The following RTN1 variants were observed in gnomAD, a reference collection of about 807,000 sequenced individuals.
The protein encoded by RTN1 is reticulon 1, also known as reticulon-1.
RTN1 carries 25 observed loss-of-function variants against 65.5 expected under a neutral mutation model. That is an observed-to-expected ratio of 0.38 (90% CI 0.28 to 0.53). The LOEUF (loss-of-function observed/expected upper bound fraction) is 0.53, where lower values mean the gene tolerates loss of function less well. Ranked by LOEUF, RTN1 falls within the 20% of genes least tolerant of loss-of-function variation. The pLI, the probability that RTN1 is intolerant of heterozygous loss-of-function variation, is 0.79. For synonymous variants in RTN1, 471 were observed against 447.6 expected (o/e 1.05, Z -0.66); for missense variants, 983 against 1,025.4 (o/e 0.96, Z 0.57).
chr14:59,731,333 G>T (rs1261851143), intron 2 of RTN1, among the ~76,000 whole-genome samples: 2 of 152,144 alleles, frequency 1.3e-5, no homozygotes, highest in Non-Finnish European at 1.5e-5. Context: ...TAGTAGTTAT[G>T]GGGAGTGGGG....
intron 1 of RTN1, among the ~76,000 whole-genome samples, chr14:59,833,544 AT>A (rs1432758117): frequency 6.6e-6 from 1 of 152,008 alleles, no homozygotes; most frequent in African/African-American, 2.4e-5. Flanking sequence ...TCCAACTTTT[AT>A]TTTATATTCA....
chr14:59,623,877 A>C (rs1162960936), intron 3 of RTN1, among the ~76,000 whole-genome samples: 1 of 152,118 alleles, frequency 6.6e-6, no homozygotes, highest in Non-Finnish European at 1.5e-5. Context: ...CCATTCAATA[A>C]AATATTATGT....
At chr14:59,704,349 T>C (rs1884243868) in intron 3 of RTN1, among the ~76,000 whole-genome samples, 1 of 152,178 alleles carries the variant, frequency 6.6e-6, no homozygotes, top group Admixed American at 6.5e-5. Context: ...AGAAATCCCA[T>C]TCAATATTGA....
At chr14:59,726,314 T>A (rs541125678) in intron 3 of RTN1, among the ~76,000 whole-genome samples, 27 of 152,312 alleles carry the variant, frequency 1.8e-4, no homozygotes, top group African/African-American at 6.3e-4. Flanking sequence ...AGTGAATGAA[T>A]CACCTTCAGT....
At chr14:59,730,825 G>A (rs1884881465) in intron 2 of RTN1, among the ~76,000 whole-genome samples, 1 of 152,132 alleles carries the variant, frequency 6.6e-6, no homozygotes, top group Admixed American at 6.5e-5. Context: ...ATACTAGGAT[G>A]GCTATAATCA....
rs1327577165 is a variant in RTN1, at chr14:59,870,217, G to A, written c.241+173C>T. 6.6e-6 allele frequency among the ~76,000 whole-genome samples: 1 copy of A among 152,204 alleles called. No individual in the cohort carries two copies. Among genetic ancestry groups the A allele is most frequent in the African/African-American group, 2.4e-5 (1 of 41,460 alleles). On this transcript the variant is annotated intron_variant, in intron 1 of 8. Coordinates refer to ENST00000267484, the MANE Select transcript of RTN1 (RefSeq NM_021136.3). This position sits in a 1 kb window ranked among gnomAD's most constrained non-coding sequence, Gnocchi z 5.1. ...CTGAGCCTTTGGGAAAAATAAAATT[G>A]TTGTTTTCTACCAGCCCGCGAATAT...
intron 3 of RTN1, among the ~76,000 whole-genome samples, chr14:59,672,629 T>C (rs1883531893): frequency 2.7e-5 from 3 of 112,216 alleles, no homozygotes; most frequent in South Asian, 6.1e-4. Flanking sequence ...ATATTTCTTT[T>C]TTTTTTTTTT....
At chr14:59,801,961 A>G (rs760429233) in intron 1 of RTN1, among the ~76,000 whole-genome samples, 3 of 152,154 alleles carry the variant, frequency 2.0e-5, no homozygotes, top group Non-Finnish European at 4.4e-5. Flanking sequence ...AGACATATTA[A>G]TATGTCTTTC....
chr14:59,751,317 A>G (rs1885518339), intron 1 of RTN1, among the ~76,000 whole-genome samples: 1 of 151,658 alleles, frequency 6.6e-6, no homozygotes, highest in Admixed American at 6.6e-5. Context: ...TAGAACACCA[A>G]ACAAAAAAAC....
intron 1 of RTN1, among the ~76,000 whole-genome samples, chr14:59,832,701 A>G (rs910068958): frequency 2.0e-5 from 3 of 152,178 alleles, no homozygotes; most frequent in African/African-American, 7.2e-5. Flanking sequence ...GGGGCAGGGG[A>G]TGCTTTTCCC....
intron 2 of RTN1, among the ~76,000 whole-genome samples, chr14:59,728,790 TATTC>T (rs1884836935): frequency 6.6e-6 from 1 of 152,236 alleles, no homozygotes; most frequent in African/African-American, 2.4e-5. Flanking sequence ...TCTTTATCCA[TATTC>T]ATTCATCTGT....
intron 1 of RTN1, among the ~76,000 whole-genome samples, chr14:59,787,467 C>T (rs763625250): frequency 6.6e-6 from 1 of 152,210 alleles, no homozygotes; most frequent in Non-Finnish European, 1.5e-5. Flanking sequence ...TTCTCTCCTC[C>T]CCCTTGGTCA....
At chr14:59,680,865 T>C (rs1419645765) in intron 3 of RTN1, among the ~76,000 whole-genome samples, 1 of 152,160 alleles carries the variant, frequency 6.6e-6, no homozygotes, top group Non-Finnish European at 1.5e-5. Flanking sequence ...TGAAAAACCA[T>C]ATTTATGAAG....
intron 3 of RTN1, among the ~76,000 whole-genome samples, chr14:59,710,386 G>T (rs1011127948): frequency 1.3e-5 from 2 of 152,218 alleles, no homozygotes; most frequent in African/African-American, 4.8e-5. Context: ...AGAGGAGTCT[G>T]CAGCATTCCA....
chr14:59,701,752 C>T (rs567197592), intron 3 of RTN1, among the ~76,000 whole-genome samples: 3 of 152,064 alleles, frequency 2.0e-5, no homozygotes, highest in Non-Finnish European at 4.4e-5. Context: ...TTTTTTGAAG[C>T]TAGATAGTAG....
At chr14:59,815,602 G>A (rs1019332477) in intron 1 of RTN1, among the ~76,000 whole-genome samples, 5 of 152,078 alleles carry the variant, frequency 3.3e-5, no homozygotes, top group Non-Finnish European at 5.9e-5. Flanking sequence ...CATTTCCACT[G>A]AGCCAGGCAC....
In RTN1 at chr14:59,832,713, T is replaced by C. The variant is rs547400519; in HGVS notation, c.241+37677A>G. On this transcript the variant is annotated intron_variant, in intron 1 of 8. Coordinates refer to ENST00000267484, the MANE Select transcript of RTN1 (RefSeq NM_021136.3). The stretch of plus-strand genomic sequence containing the variant: ...TTGGGGGCAGGGGATGCTTTTCCCA[T>C]TTACATTAACCTCTTGTGCTAACAT... Among the ~76,000 whole-genome samples the C allele has an allele frequency of 2.2e-4, 33 of 152,312 alleles. 1 individual carries two copies. The South Asian group carries it at 6.8e-3, about 32-fold the overall frequency.
intron 3 of RTN1, 60 bp from the exon 4 acceptor site, chr14:59,607,552 G>A (rs1881801951): frequency 1.4e-6 from 2 of 1,414,690 alleles, no homozygotes; most frequent in South Asian, 2.5e-5. Flanking sequence ...ATGAGCCGCT[G>A]TGGCTCACTC....
Position 59,794,984 on chromosome 14 carries a change from G to A in RTN1, c.242-48503C>T, listed in dbSNP as rs1288488099. ...ACTTTACACAGATTGTTTGATTTGG[G>A]TGCAATAATCTATCTTCTATGATCT... On this transcript the variant is annotated intron_variant, in intron 1 of 8. Coordinates refer to ENST00000267484, the MANE Select transcript of RTN1 (RefSeq NM_021136.3). The surrounding 1 kb of genome is among the most constrained non-coding windows in gnomAD (Gnocchi z 5.1). Among the ~76,000 whole-genome samples the A allele has an allele frequency of 6.6e-6, 1 of 152,114 alleles. No homozygotes were observed. The highest frequency in any genetic ancestry group is 1.5e-5 in the Non-Finnish European group (1 of 68,026).
Sources: allele counts gnomAD v4.1 joint callset (sites outside exome capture counted in the v4.1 genomes callset), GRCh38; gene constraint gnomAD v4.1.1; non-coding constraint Gnocchi (gnomAD v3.1); transcripts MANE v1.5; gene names NCBI Gene and HGNC (gene_info 2026-07-23, HGNC 2026-07-21).